BRD1: variants seen among roughly 807,000 people sequenced by gnomAD.
BRD1 encodes the protein bromodomain containing 1, also known as bromodomain-containing protein 1.
Under a neutral mutation model 107.7 loss-of-function variants are expected in BRD1, and 24 were observed. The ratio of observed to expected loss-of-function variants is 0.22; its 90% CI spans 0.16 to 0.31. The LOEUF is 0.31. BRD1 is among the 10% of genes least tolerant of loss of function. BRD1 has a pLI of 1.00. For synonymous variants in BRD1, 744 were observed against 686.1 expected, an observed-to-expected ratio of 1.08 and a Z score of -1.32; for missense variants, 1,279 against 1,638.6, an observed-to-expected ratio of 0.78 and a Z score of 3.79.
At chr22:49,822,103 T>C (rs1239646794) in intron 2 of BRD1, among the ~76,000 whole-genome samples, 1 of 152,254 alleles carries the variant, frequency 6.6e-6, no homozygotes, top group Non-Finnish European at 1.5e-5. Flanking sequence ...TCATTCCTTC[T>C]TAAAGTTTAG....
intron 12 of BRD1, 92 bp downstream of exon 12, chr22:49,775,499 G>C (rs2059064041): frequency 1.7e-6 from 2 of 1,204,040 alleles, no homozygotes; most frequent in Non-Finnish European, 2.1e-6. Context: ...AGCAGACAAA[G>C]ACGCTGCTCA....
In BRD1 at chr22:49,787,397, C is replaced by T. The variant is rs1601632720; in HGVS notation, c.2850G>A (p.Leu950=). 6.2e-7 allele frequency: 1 copy of T among 1,612,036 alleles called. No homozygotes were observed. The highest frequency in any genetic ancestry group is 8.5e-7 in the Non-Finnish European group (1 of 1,179,034). The change falls in exon 8 of 13, where the codon CTG becomes CTA. Residue 950 remains leucine (L), a synonymous_variant. Transcript: ENST00000404760. ...GCCGCCCGCGGCATTTACCTGCGTCCAGGCGCTTTCCTGGGGACTCCTCCT... is the reference window on the plus strand; with the variant it reads ...GCCGCCCGCGGCATTTACCTGCGTCTAGGCGCTTTCCTGGGGACTCCTCCT... ...EVEEESPGKR[L]DAGLTNGFGG... is the part of the protein sequence containing the mutation.
chr22:49,808,806 C>G (rs2059793599), intron 2 of BRD1, among the ~76,000 whole-genome samples: 1 of 152,148 alleles, frequency 6.6e-6, no homozygotes, highest in African/African-American at 2.4e-5. Flanking sequence ...ACAGCAAAAC[C>G]ATCTGAGTCA....
In BRD1 at chr22:49,824,750, C is replaced by A. The variant is rs554483454; in HGVS notation, c.-14-419G>T. The A allele has an allele frequency of 9.6e-6, 10 of 1,040,322 alleles. No individual in the cohort carries two copies. In the East Asian group the frequency reaches 7.8e-4, roughly 81 times the overall value. 64.4% of individuals were successfully genotyped at this position (1,040,322 alleles called of 1,614,324 possible). A position where few individuals can be genotyped will look rare whatever the true frequency, so the allele number is the denominator to read the frequency against. The stretch of plus-strand genomic sequence containing the variant: ...ATACAGGGCTGGACCCCACCAGGCA[C>A]AGAGGCTATGCCCACCAGACAGGCA... On this transcript the variant is annotated intron_variant, in intron 1 of 12. Coordinates refer to ENST00000404760, the MANE Select transcript of BRD1 (RefSeq NM_001304808.3). This position sits in a 1 kb window ranked among gnomAD's most constrained non-coding sequence, Gnocchi z 5.9.
intron 8 of BRD1, among the ~76,000 whole-genome samples, chr22:49,782,395 T>C (rs2059228329): frequency 6.7e-6 from 1 of 149,978 alleles, no homozygotes; most frequent in Non-Finnish European, 1.5e-5. Context: ...ACAATGCAGC[T>C]GGGATGGTCA....
chr22:49,820,285 C>G (rs74908578), intron 2 of BRD1, among the ~76,000 whole-genome samples: 4,449 of 152,308 alleles, frequency 0.029, 239 homozygotes, highest in African/African-American at 0.1. Context: ...CTCTAAAACG[C>G]TGCTCAGATG....
rs1472272307 is a variant in BRD1 at position 49,792,043 on chromosome 22, G to A, written c.2359+1991C>T. ...AGCGTTGGGTGTTATGAGGAGCCAC[G>A]CTCACCACAGCGGAGGGCCAAGCAG... is the stretch of plus-strand genomic sequence containing the variant. On this transcript the variant is annotated intron_variant, in intron 7 of 12. Transcript: ENST00000404760. The surrounding 1 kb of genome is among the most constrained non-coding windows in gnomAD (Gnocchi z 4.2). Among the ~76,000 whole-genome samples the A allele has an allele frequency of 6.6e-6, 1 of 152,142 alleles. No homozygotes were observed.
intron 2 of BRD1, among the ~76,000 whole-genome samples, chr22:49,814,239 G>A (rs757744198): frequency 2.0e-5 from 3 of 152,210 alleles, no homozygotes; most frequent in Admixed American, 6.5e-5. Context: ...ACTCACCCAC[G>A]GGCACAAGCC....
At chr22:49,799,348 G>C (rs957382427) in intron 3 of BRD1, among the ~76,000 whole-genome samples, 1 of 152,156 alleles carries the variant, frequency 6.6e-6, no homozygotes, top group African/African-American at 2.4e-5. Context: ...GCCAGGCCAA[G>C]GTGAGCAGGG....
At chr22:49,811,859 C>T (rs1390633528) in intron 2 of BRD1, among the ~76,000 whole-genome samples, 1 of 152,192 alleles carries the variant, frequency 6.6e-6, no homozygotes, top group Non-Finnish European at 1.5e-5. Flanking sequence ...TCTCCCAATT[C>T]CTAGGCTATG....
intron 1 of BRD1, chr22:49,826,186 A>T: frequency 1.0e-6 from 1 of 985,460 alleles, no homozygotes; most frequent in Non-Finnish European, 1.2e-6. Context: ...TCCCCTCGAC[A>T]GCAAAGTCCT....
At chr22:49,820,111 C>T (rs886391039) in intron 2 of BRD1, among the ~76,000 whole-genome samples, 1 of 151,332 alleles carries the variant, frequency 6.6e-6, no homozygotes, top group Non-Finnish European at 1.5e-5. Flanking sequence ...GCCTGGGCAA[C>T]AAAGCAAGAC....
Position 49,797,802 on chromosome 22 carries a change from T to C in BRD1, c.2098+3A>G, listed in dbSNP as rs1372412003. On this transcript the variant is annotated splice_donor_region_variant and intron_variant, in intron 6 of 12. Coordinates refer to ENST00000404760, the MANE Select transcript of BRD1 (RefSeq NM_001304808.3). ...CTCCTCCGGACACGGCGCCAGTTCT[T>C]ACCGTCTTCCCAGGAGAAAGGCCGC... The C allele has an allele frequency of 1.3e-6, 2 of 1,590,006 alleles. No individual in the cohort carries two copies. The highest frequency in any genetic ancestry group is 1.7e-6 in the Non-Finnish European group (2 of 1,169,224).
At chr22:49,808,828 GA>G (rs1441123298) in intron 2 of BRD1, among the ~76,000 whole-genome samples, 1 of 152,216 alleles carries the variant, frequency 6.6e-6, no homozygotes, top group Admixed American at 6.5e-5. Context: ...TACATCAGAA[GA>G]AAAAGTGAGC....
At position 49,824,576 on chromosome 22, in the gene BRD1, C is replaced by T. The variant is rs879785428; in HGVS notation, c.-14-245G>A. The T allele has an allele frequency of 4.5e-6, 6 of 1,333,560 alleles. No homozygotes were observed. The highest frequency in any genetic ancestry group is 5.8e-6 in the Non-Finnish European group (6 of 1,037,796). 82.6% of individuals were successfully genotyped at this position (1,333,560 alleles called of 1,614,324 possible). On this transcript the variant is annotated intron_variant, in intron 1 of 12. Coordinates refer to ENST00000404760, the MANE Select transcript of BRD1 (RefSeq NM_001304808.3). The surrounding 1 kb of genome is among the most constrained non-coding windows in gnomAD (Gnocchi z 5.9). ...CCTGAGGAGCCCTCCTGAGCACCTG[C>T]GTCCCTACCACCACACACCAGTCCC...
intron 11 of BRD1, 97 bp downstream of exon 11, chr22:49,775,953 T>A: frequency 1.2e-6 from 1 of 843,356 alleles, no homozygotes. Flanking sequence ...CTGTGGAACC[T>A]CCTTGGACCA....
chr22:49,777,006 G>A, intron 10 of BRD1, 28 bp downstream of exon 10: 1 of 1,612,406 alleles, frequency 6.2e-7, no homozygotes, highest in Non-Finnish European at 8.5e-7. Context: ...GGTGTGGAGA[G>A]CCATGGAGGC....
intron 2 of BRD1, among the ~76,000 whole-genome samples, chr22:49,809,982 G>C (rs2059819352): frequency 2.0e-5 from 3 of 152,150 alleles, no homozygotes; most frequent in African/African-American, 7.2e-5. Flanking sequence ...CACAAGCACA[G>C]ATGGACTATT....
In BRD1 at chr22:49,798,643, A is replaced by T; in HGVS notation, c.1700T>A (p.Leu567Gln). Residue 567 changes from leucine (L) to glutamine (Q), a missense_variant, in exon 5 of 13, where the codon CTG becomes CAG. Leu to Gln is a moderately radical substitution (Grantham distance 113). Coordinates refer to ENST00000404760, the MANE Select transcript of BRD1 (RefSeq NM_001304808.3). ...QVAMELRLTP[L>Q]TVLLRSVLDQ... ...CAGCACTGAGCGCAGCAGCACCGTC[A>T]GCGGGGTCAGCCGCAGCTCCATGGC... 2 of 1,613,308 alleles carry T rather than the reference A, an allele frequency of 1.2e-6. No homozygotes were observed. Among genetic ancestry groups the T allele is most frequent in the African/African-American group, 2.7e-5 (2 of 75,038 alleles).
Sources: allele counts gnomAD v4.1 joint callset (sites outside exome capture counted in the v4.1 genomes callset), GRCh38; gene constraint gnomAD v4.1.1; non-coding constraint Gnocchi (gnomAD v3.1); transcripts MANE v1.5; gene names NCBI Gene and HGNC (gene_info 2026-07-23, HGNC 2026-07-21).